The following ADAM32 variants were observed in gnomAD, a reference collection of about 807,000 sequenced individuals.
ADAM32 encodes disintegrin and metalloproteinase domain-containing protein 32.
Under a neutral mutation model 114.9 loss-of-function variants are expected in ADAM32, and 89 were observed. That is an observed-to-expected ratio of 0.77 (90% CI 0.65 to 0.92). The LOEUF (loss-of-function observed/expected upper bound fraction) is 0.92. ADAM32 is among the 40% of genes least tolerant of loss of function. ADAM32 has a pLI of 0.00. For synonymous variants in ADAM32, 285 were observed against 307.5 expected (o/e 0.93, Z 0.77); for missense variants, 870 against 932.8 (o/e 0.93, Z 0.88).
At chr8:39,156,801 T>C (rs78499260) in intron 6 of ADAM32, among the ~76,000 whole-genome samples, 1 of 152,302 alleles carries the variant, frequency 6.6e-6, no homozygotes, top group East Asian at 1.9e-4. Flanking sequence ...TTTTCTCTTA[T>C]AAAGATACCA....
At chr8:39,185,709 C>T (rs935948403) in intron 10 of ADAM32, among the ~76,000 whole-genome samples, 1 of 152,088 alleles carries the variant, frequency 6.6e-6, no homozygotes, top group African/African-American at 2.4e-5. Flanking sequence ...TGTTCCAGTC[C>T]AGCCTTCTAT....
chr8:39,169,757 A>G (rs990523472), intron 9 of ADAM32, 159 bp from the exon 10 acceptor site: 1 of 513,456 alleles, frequency 1.9e-6, no homozygotes, highest in African/African-American at 1.9e-5. Flanking sequence ...ATATTAAATA[A>G]TATTCCAAAT....
At chr8:39,273,101 A>G (rs1484091434) in intron 20 of ADAM32, among the ~76,000 whole-genome samples, 1 of 152,162 alleles carries the variant, frequency 6.6e-6, no homozygotes, top group Non-Finnish European at 1.5e-5. Context: ...ATTGGCCAGG[A>G]TAACAATGCC....
intron 10 of ADAM32, 61 bp downstream of exon 10, chr8:39,170,058 A>G (rs181685773): frequency 3.9e-6 from 5 of 1,288,564 alleles, no homozygotes; most frequent in Non-Finnish European, 5.4e-6. Context: ...TTGACATGAT[A>G]GTATATATTT....
intron 3 of ADAM32, among the ~76,000 whole-genome samples, chr8:39,137,560 A>G (rs1802876523): frequency 6.6e-6 from 1 of 152,066 alleles, no homozygotes; most frequent in Admixed American, 6.6e-5. Flanking sequence ...TCCTGAGGTC[A>G]GGAGTTTGAG....
At position 39,169,717 on chromosome 8, in the gene ADAM32, A is replaced by G. The variant is rs540867940; in HGVS notation, c.834-199A>G. The G allele has an allele frequency of 7.5e-5, 32 of 424,388 alleles. 1 individual carries two copies. The East Asian group carries it at 1.1e-3, about 15-fold the overall frequency. 26.3% of individuals were successfully genotyped at this position (424,388 alleles called of 1,614,324 possible). On this transcript the variant is annotated intron_variant, in intron 9 of 24. Coordinates refer to ENST00000379907, the MANE Select transcript of ADAM32 (RefSeq NM_145004.7). ...TATTAGATATGTTTCAGATATCAAG[A>G]GTGTTTAATCTAATTAATACTAATA...
intron 10 of ADAM32, among the ~76,000 whole-genome samples, chr8:39,173,121 G>A (rs1805298513): frequency 1.3e-5 from 2 of 152,216 alleles, no homozygotes; most frequent in African/African-American, 4.8e-5. Context: ...AGCCAGGCAT[G>A]GTGGCAGGCA....
intron 19 of ADAM32, among the ~76,000 whole-genome samples, chr8:39,260,992 A>T (rs1163929247): frequency 6.6e-6 from 1 of 152,106 alleles, no homozygotes; most frequent in Non-Finnish European, 1.5e-5. Context: ...GGGATGTTTC[A>T]GTATATGTAA....
intron 2 of ADAM32, among the ~76,000 whole-genome samples, chr8:39,134,134 A>G (rs914073519): frequency 6.6e-6 from 1 of 152,042 alleles, no homozygotes; most frequent in Non-Finnish European, 1.5e-5. Flanking sequence ...CTGGGTGGAC[A>G]TGGGGGGATG....
At chr8:39,233,867 A>G (rs766904904) in intron 15 of ADAM32, 32 bp from the exon 16 acceptor site, 3 of 1,313,866 alleles carry the variant, frequency 2.3e-6, no homozygotes, top group East Asian at 5.7e-5. Flanking sequence ...TTCCTAATGT[A>G]TAATAATCAT....
At chr8:39,217,157 T>C (rs1808631701) in intron 12 of ADAM32, among the ~76,000 whole-genome samples, 1 of 151,970 alleles carries the variant, frequency 6.6e-6, no homozygotes, top group South Asian at 2.1e-4. Context: ...AAAAGTTTTC[T>C]TTTTCCAGCA....
chr8:39,126,507 G>A (rs764274188), intron 2 of ADAM32, among the ~76,000 whole-genome samples: 8 of 152,258 alleles, frequency 5.3e-5, no homozygotes, highest in Non-Finnish European at 2.9e-5. Context: ...GAATGCTAGT[G>A]ATTTTTGCAC....
rs1182651337 is a variant in ADAM32, at chr8:39,149,882, T to C, written c.353+15T>C. 1.9e-6 allele frequency: 3 copies of C among 1,588,958 alleles called. No individual in the cohort carries two copies. Among genetic ancestry groups the C allele is most frequent in the Non-Finnish European group, 2.6e-6 (3 of 1,160,826 alleles). On this transcript the variant is annotated intron_variant, in intron 5 of 24. Transcript: ENST00000379907. ...TCTGGACTAAGGTTGTTTTCTGTTG[T>C]TGATTACAGAACACCTTAGTTATGA...
chr8:39,195,103 A>G (rs28773215), intron 11 of ADAM32, among the ~76,000 whole-genome samples: 37,371 of 151,762 alleles, frequency 0.25, 4,912 homozygotes, highest in Non-Finnish European at 0.29. Context: ...TAAGGTTCCC[A>G]GCTTCCTCCC....
At chr8:39,275,763 T>C in intron 21 of ADAM32, 65 bp from the exon 22 acceptor site, 1 of 1,439,618 alleles carries the variant, frequency 6.9e-7, no homozygotes. Flanking sequence ...CGACATTCAT[T>C]CATTATGGAG....
At chr8:39,280,928 G>A (rs886951582) in intron 22 of ADAM32, among the ~76,000 whole-genome samples, 5 of 151,520 alleles carry the variant, frequency 3.3e-5, no homozygotes, top group South Asian at 2.1e-4. Context: ...GACTACAGGC[G>A]CCCGCCACCA....
At chr8:39,159,448 T>C (rs1244905219) in intron 6 of ADAM32, among the ~76,000 whole-genome samples, 2 of 152,210 alleles carry the variant, frequency 1.3e-5, no homozygotes, top group Admixed American at 1.3e-4. Flanking sequence ...GAAAGCTTAG[T>C]GTCTTTTCAA....
At chr8:39,270,442 T>C (rs1812641458) in intron 19 of ADAM32, among the ~76,000 whole-genome samples, 1 of 152,204 alleles carries the variant, frequency 6.6e-6, no homozygotes, top group Non-Finnish European at 1.5e-5. Context: ...AGTTCACTTA[T>C]AGCATCTCTG....
At chr8:39,252,165 G>T (rs1260136571) in intron 17 of ADAM32, among the ~76,000 whole-genome samples, 1 of 151,638 alleles carries the variant, frequency 6.6e-6, no homozygotes, top group African/African-American at 2.4e-5. Flanking sequence ...ATTTGGCTTT[G>T]TTCTTTTTGC....
Sources: allele counts gnomAD v4.1 joint callset (sites outside exome capture counted in the v4.1 genomes callset), GRCh38; gene constraint gnomAD v4.1.1; transcripts MANE v1.5; gene names NCBI Gene and HGNC (gene_info 2026-07-23, HGNC 2026-07-21).